HLA-DQA1: variants seen among roughly 807,000 people sequenced by gnomAD.
HLA-DQA1 encodes the protein major histocompatibility complex, class II, DQ alpha 1.
A neutral mutation model predicts 20.7 loss-of-function variants in HLA-DQA1; 10 were observed. The observed-to-expected ratio is 0.48, with a 90% confidence interval of 0.30 to 0.82. HLA-DQA1 has a LOEUF of 0.82. HLA-DQA1 is among the 40% of genes least tolerant of loss of function. The pLI, the probability that HLA-DQA1 is intolerant of heterozygous loss-of-function variation, is 0.07. For missense variants in HLA-DQA1, 127 were observed against 293.0 expected, an observed-to-expected ratio of 0.43 and a Z score of 4.14; for synonymous variants, 39 against 109.2, an observed-to-expected ratio of 0.36 and a Z score of 4.01.
At chr6:32,649,766 C>G (rs140538749), downstream of HLA-DQA1, among the ~76,000 whole-genome samples, 20,926 of 94,220 alleles carry the variant, frequency 0.22, 8,069 homozygotes, top group Non-Finnish European at 0.25. Flanking sequence ...CCATTCAGGA[C>G]ATAGGCATGG....
At chr6:32,654,095 GC>G in the HLA-DQA1 span, among the ~76,000 whole-genome samples, 2,223 of 82,066 alleles carry the variant, frequency 0.027, 497 homozygotes, top group African/African-American at 0.053. Context: ...GATTGGTTGA[GC>G]CTCGTTCAAG....
chr6:32,641,232 T>G (rs34130005), intron 1 of HLA-DQA1, 78 bp from the exon 2 acceptor site: 64,671 of 954,568 alleles, frequency 0.068, 13,976 homozygotes, highest in Middle Eastern at 0.11. Context: ...TGAAAGTCAG[T>G]TTCTTCCATC....
downstream of HLA-DQA1, chr6:32,646,482 A>G (rs1158526406): frequency 3.9e-5 from 3 of 77,472 alleles, 1 homozygote; most frequent in Admixed American, 4.9e-4. Context: ...GCTTGAGCCC[A>G]GGAGTTCAAT....
chr6:32,637,641 G>T (rs9272443), intron 1 of HLA-DQA1, 101 bp downstream of exon 1: 2 of 517,408 alleles, frequency 3.9e-6, no homozygotes, highest in African/African-American at 2.5e-5. Context: ...ATTTCCTAAG[G>T]GCCCTTTCAG....
chr6:32,652,708 A>G, the HLA-DQA1 span, among the ~76,000 whole-genome samples: 1 of 115,212 alleles, frequency 8.7e-6, no homozygotes, highest in Non-Finnish European at 1.9e-5. Context: ...GGAAGCATAA[A>G]GTGGAGGGGA....
At chr6:32,646,950 T>G (rs1405301745), downstream of HLA-DQA1, 13 of 150,536 alleles carry the variant, frequency 8.6e-5, no homozygotes, top group East Asian at 2.5e-3. Context: ...TCAGAAAAAC[T>G]GACACCGACT....
At chr6:32,638,717 GGA>G (rs869070563) in intron 1 of HLA-DQA1, among the ~76,000 whole-genome samples, 6,969 of 74,658 alleles carry the variant, frequency 0.093, 1,573 homozygotes, top group Admixed American at 0.12. Context: ...AAGGAAGGAA[GGA>G]GAAGGAAGGA....
downstream of HLA-DQA1, chr6:32,644,391 C>T (rs1781741474): frequency 6.6e-6 from 1 of 152,088 alleles, no homozygotes; most frequent in Admixed American, 6.5e-5. Flanking sequence ...ATCCAGGACT[C>T]AGTACTTTGA....
intron 1 of HLA-DQA1, among the ~76,000 whole-genome samples, chr6:32,640,372 C>T (rs957776045): frequency 1.0e-5 from 1 of 97,284 alleles, no homozygotes; most frequent in Non-Finnish European, 2.3e-5. Context: ...AGGAAAGATA[C>T]GATGGTAAAA....
At position 32,638,979 on chromosome 6, in the gene HLA-DQA1, G is replaced by A. The variant is rs9272535; in HGVS notation, c.82+1439G>A. 2.7e-3 allele frequency: 948 copies of A among 346,386 alleles called. 96 individuals carry two copies. The highest frequency in any genetic ancestry group is 5.3e-3 in the Admixed American group (158 of 29,740). The allele number at this position is 346,386 out of a possible 1,614,324, so 21.5% of individuals were successfully genotyped here. Reference sequence around the variant, plus strand: ...GGGTTTGTAAAACAAAAGTTGAAAAGTCAGATAGTTAAAAGGGGAAGTGAA... The same window carrying A: ...GGGTTTGTAAAACAAAAGTTGAAAAATCAGATAGTTAAAAGGGGAAGTGAA... On this transcript the variant is annotated intron_variant, in intron 1 of 4. Transcript: ENST00000343139.
chr6:32,653,132 A>G, the HLA-DQA1 span, among the ~76,000 whole-genome samples: 42,811 of 116,092 alleles, frequency 0.37, 8,486 homozygotes, highest in Admixed American at 0.43. Flanking sequence ...ATTCCCAGCA[A>G]TGAGAGAATA....
downstream of HLA-DQA1, chr6:32,645,832 AC>A (rs1259692369): frequency 3.7e-5 from 4 of 109,194 alleles, 1 homozygote; most frequent in African/African-American, 1.3e-4. Context: ...TGAGGCAAGA[AC>A]CCAGCATTTT....
chr6:32,644,006 A>G (rs9273027), downstream of HLA-DQA1: 84,297 of 148,670 alleles, frequency 0.57, 24,420 homozygotes, highest in Middle Eastern at 0.7. Context: ...CAGTATAGTG[A>G]ATATGGCTAC....
At chr6:32,654,355 G>A in the HLA-DQA1 span, among the ~76,000 whole-genome samples, 19,432 of 104,880 alleles carry the variant, frequency 0.19, 2,868 homozygotes, top group Middle Eastern at 0.34. Context: ...GAGATCGACT[G>A]TACAGCATGG....
Position 32,643,566 on chromosome 6 carries a change from ACC to A in HLA-DQA1, c.*636_*637del. The A allele has an allele frequency of 6.3e-6, 1 of 158,232 alleles. No individual in the cohort carries two copies. The highest frequency in any genetic ancestry group is 3.2e-3 in the Middle Eastern group (1 of 310). The allele number at this position is 158,232 out of a possible 1,614,324, so 9.8% of individuals were successfully genotyped here. On this transcript the variant is annotated 3_prime_UTR_variant, in exon 5 of 5. Coordinates refer to ENST00000343139, the MANE Select transcript of HLA-DQA1 (RefSeq NM_002122.5). The stretch of plus-strand genomic sequence containing the variant: ...GAATTGTTATAGCAAAAATTTTAGA[ACC>A]AAAAAATAAGTCTGTACTAATTTCA...
intron 1 of HLA-DQA1, among the ~76,000 whole-genome samples, chr6:32,638,206 T>G (rs1781035579): frequency 1.1e-5 from 1 of 91,540 alleles, no homozygotes; most frequent in Non-Finnish European, 2.3e-5. Context: ...ATGTCAATTT[T>G]TTTTACATAT....
Position 32,639,103 on chromosome 6 carries a change from T to C in HLA-DQA1, c.82+1563T>C, listed in dbSNP as rs1344200249. 4.8e-5 allele frequency: 11 copies of C among 230,588 alleles called. 1 individual carries two copies. In the East Asian group the frequency reaches 1.3e-3, roughly 28 times the overall value. The allele number at this position is 230,588 out of a possible 1,614,324, so 14.3% of individuals were successfully genotyped here. On this transcript the variant is annotated intron_variant, in intron 1 of 4. Coordinates refer to ENST00000343139, the MANE Select transcript of HLA-DQA1 (RefSeq NM_002122.5). Reference sequence around the variant, plus strand: ...AGTTTCACCTGCTTCTCCAGAGCGCTTGGCGTCTTTGTTCCAAATTTCCTT... The same window carrying C: ...AGTTTCACCTGCTTCTCCAGAGCGCCTGGCGTCTTTGTTCCAAATTTCCTT...
chr6:32,638,699 G>GAGGAAGGAAGGAAGGA lies in HLA-DQA1; in HGVS notation c.82+1164_82+1179dup, dbSNP rs34024030. ...CTCAAAAAGAAAGAGGAAAGAAAGCGAGGAAGGAAGGAAGGAAGGAGAAGG... is the reference window on the plus strand; with the variant it reads ...CTCAAAAAGAAAGAGGAAAGAAAGCGAGGAAGGAAGGAAGGAAGGAAGGAAGGAAGGAAGGAGAAGG... On this transcript the variant is annotated intron_variant, in intron 1 of 4. Transcript: ENST00000343139. Among the ~76,000 whole-genome samples the GAGGAAGGAAGGAAGGA allele has an allele frequency of 7.4e-4, 57 of 76,844 alleles. 8 individuals are homozygous for GAGGAAGGAAGGAAGGA. Among genetic ancestry groups the GAGGAAGGAAGGAAGGA allele is most frequent in the African/African-American group, 2.3e-3 (51 of 22,456 alleles). The allele number at this position is 76,844 out of a possible 152,430, so 50.4% of individuals were successfully genotyped here. A position where few individuals can be genotyped will look rare whatever the true frequency, so the allele number is the denominator to read the frequency against.
At chr6:32,648,497 A>G (rs1782073454), downstream of HLA-DQA1, among the ~76,000 whole-genome samples, 1 of 97,616 alleles carries the variant, frequency 1.0e-5, no homozygotes. Context: ...CAATAAATGT[A>G]ATCCACCACA....
Sources: gnomAD v4.1 joint callset for allele counts (sites outside exome capture counted in the v4.1 genomes callset) on GRCh38, gnomAD v4.1.1 for gene constraint, MANE v1.5 for transcripts, NCBI Gene and HGNC (gene_info 2026-07-23, HGNC 2026-07-21) for gene names.